The following CDH18 variants were observed in gnomAD, a reference collection of about 807,000 sequenced individuals.
The protein encoded by CDH18 is cadherin 18.
A neutral mutation model predicts 67.9 loss-of-function variants in CDH18; 31 were observed. The observed-to-expected ratio is 0.46, with a 90% CI of 0.34 to 0.62. The LOEUF (loss-of-function observed/expected upper bound fraction) is 0.62, where lower values mean the gene tolerates loss of function less well. Ranked by LOEUF, CDH18 falls within the 20% of genes least tolerant of loss-of-function variation. The pLI, the probability that CDH18 is intolerant of heterozygous loss-of-function variation, is 0.01. For synonymous variants in CDH18, 362 were observed against 347.2 expected (o/e 1.04, Z -0.48); for missense variants, 890 against 975.5 (o/e 0.91, Z 1.17).
chr5:20,256,388 G>A (rs1338262913), intron 1 of CDH18, among the ~76,000 whole-genome samples: 3 of 151,982 alleles, frequency 2.0e-5, no homozygotes, highest in South Asian at 2.1e-4. Context: ...TTTGATATAC[G>A]ATTTCTATTT....
intron 2 of CDH18, among the ~76,000 whole-genome samples, chr5:20,109,161 G>A (rs1418998267): frequency 6.6e-6 from 1 of 152,122 alleles, no homozygotes; most frequent in Admixed American, 6.6e-5. Flanking sequence ...GACAGACAAG[G>A]AAAAATCTAA....
chr5:20,541,589 T>G (rs1411260389), intron 1 of CDH18, among the ~76,000 whole-genome samples: 2 of 152,174 alleles, frequency 1.3e-5, no homozygotes, highest in African/African-American at 4.8e-5. Context: ...ACAGGTGCTG[T>G]AATATGGTTC....
At chr5:19,587,941 T>C (rs1229751518) in intron 7 of CDH18, among the ~76,000 whole-genome samples, 1 of 152,108 alleles carries the variant, frequency 6.6e-6, no homozygotes, top group Non-Finnish European at 1.5e-5. Flanking sequence ...TTTTCGTTTG[T>C]TTCTGTCATC....
At chr5:19,965,146 C>G (rs1281881621) in intron 2 of CDH18, among the ~76,000 whole-genome samples, 1 of 151,942 alleles carries the variant, frequency 6.6e-6, no homozygotes, top group Non-Finnish European at 1.5e-5. Context: ...GTTTTCTATA[C>G]CCGCGTTTTA....
intron 1 of CDH18, among the ~76,000 whole-genome samples, chr5:20,262,588 G>T (rs1386285496): frequency 6.6e-6 from 1 of 152,058 alleles, no homozygotes; most frequent in Non-Finnish European, 1.5e-5. Flanking sequence ...ACTGTCAGGG[G>T]TGTTCGAGGC....
At chr5:19,873,900 G>A (rs1220208744) in intron 2 of CDH18, among the ~76,000 whole-genome samples, 7 of 152,110 alleles carry the variant, frequency 4.6e-5, no homozygotes, top group African/African-American at 9.6e-5. Flanking sequence ...CGCCCACCTC[G>A]GCCTCCCAAA....
At chr5:20,519,056 G>T (rs1755556752) in intron 1 of CDH18, among the ~76,000 whole-genome samples, 1 of 152,176 alleles carries the variant, frequency 6.6e-6, no homozygotes, top group Non-Finnish European at 1.5e-5. Context: ...CAGCCTGGAT[G>T]ATGGAGATGA....
chr5:19,963,212 G>T (rs192031010), intron 2 of CDH18, among the ~76,000 whole-genome samples: 2 of 152,016 alleles, frequency 1.3e-5, no homozygotes, highest in Admixed American at 1.3e-4. Context: ...CATTTATGAA[G>T]GTTTAAAACA....
At chr5:19,724,512 T>TAC (rs34923644) in intron 4 of CDH18, among the ~76,000 whole-genome samples, 3,677 of 148,862 alleles carry the variant, frequency 0.025, 128 homozygotes, top group African/African-American at 0.085. Context: ...CACACAGACA[T>TAC]ACACACACAC....
At chr5:20,413,594 G>A (rs1746992595) in intron 1 of CDH18, among the ~76,000 whole-genome samples, 1 of 152,116 alleles carries the variant, frequency 6.6e-6, no homozygotes, top group Admixed American at 6.5e-5. Flanking sequence ...GTGTCTGTTG[G>A]CTGCATAAAT....
At chr5:19,691,970 C>T (rs1387453826) in intron 5 of CDH18, among the ~76,000 whole-genome samples, 1 of 151,900 alleles carries the variant, frequency 6.6e-6, no homozygotes, top group Non-Finnish European at 1.5e-5. Context: ...TATTACCTGA[C>T]TTCAGAATAT....
intron 2 of CDH18, among the ~76,000 whole-genome samples, chr5:20,167,624 A>G (rs1489512585): frequency 6.6e-6 from 1 of 152,192 alleles, no homozygotes; most frequent in Non-Finnish European, 1.5e-5. Context: ...CAGAGTTGGA[A>G]TCATTAGAAG....
chr5:20,155,606 T>TGA (rs1405764893), intron 2 of CDH18, among the ~76,000 whole-genome samples: 1 of 152,176 alleles, frequency 6.6e-6, no homozygotes, highest in Non-Finnish European at 1.5e-5. Flanking sequence ...TTTTTGTTTT[T>TGA]GTTGTGTTTC....
chr5:20,528,038 C>A (rs1256394541), intron 1 of CDH18, among the ~76,000 whole-genome samples: 1 of 151,832 alleles, frequency 6.6e-6, no homozygotes, highest in Non-Finnish European at 1.5e-5. Flanking sequence ...AAAAACACAC[C>A]TAGGATCAAA....
intron 2 of CDH18, among the ~76,000 whole-genome samples, chr5:19,852,988 C>G (rs1225648658): frequency 1.3e-5 from 2 of 151,924 alleles, no homozygotes; most frequent in Non-Finnish European, 2.9e-5. Flanking sequence ...TACTAAAAAG[C>G]AATGAGTACA....
chr5:19,864,029 T>G (rs1486797928), intron 2 of CDH18, among the ~76,000 whole-genome samples: 1 of 151,328 alleles, frequency 6.6e-6, no homozygotes, highest in East Asian at 1.9e-4. Context: ...CATTACTGGG[T>G]ATATACCCAA....
chr5:19,994,853 T>TAGAGAGAGAGAGAGAGAGAGAGAGAG lies in CDH18; in HGVS notation c.-517-2840_-517-2839insCTCTCTCTCTCTCTCTCTCTCTCTCT, dbSNP rs776078908. ...GAATATATATATATATATATATATA[T>TAGAGAGAGAGAGAGAGAGAGAGAGAG]ATAGAGAGAGAGAGAGAGAGAGAGA... On this transcript the variant is annotated intron_variant, in intron 2 of 14. Coordinates refer to the CDH18 transcript ENST00000507958. Among the ~76,000 whole-genome samples, 3 of 53,212 alleles carry TAGAGAGAGAGAGAGAGAGAGAGAGAG rather than the reference T, an allele frequency of 5.6e-5. 1 individual carries two copies. The highest frequency in any genetic ancestry group is 2.9e-4 in the African/African-American group (3 of 10,450). 34.9% of individuals were successfully genotyped at this position (53,212 alleles called of 152,430 possible). A position where few individuals can be genotyped will look rare whatever the true frequency, so the allele number is the denominator to read the frequency against.
intron 9 of CDH18, among the ~76,000 whole-genome samples, chr5:19,530,519 G>A (rs1298726391): frequency 1.3e-5 from 2 of 151,988 alleles, no homozygotes; most frequent in African/African-American, 4.8e-5. Flanking sequence ...TGCCATGTTG[G>A]TGTGCTGCAC....
At chr5:20,248,577 CAG>C (rs1743564980) in intron 2 of CDH18, among the ~76,000 whole-genome samples, 1 of 152,158 alleles carries the variant, frequency 6.6e-6, no homozygotes, top group Admixed American at 6.6e-5. Flanking sequence ...ATTTAGGAAA[CAG>C]AGTATATACC....
Sources: gnomAD v4.1 joint callset for allele counts (sites outside exome capture counted in the v4.1 genomes callset) on GRCh38, gnomAD v4.1.1 for gene constraint, MANE v1.5 for transcripts, NCBI Gene and HGNC (gene_info 2026-07-23, HGNC 2026-07-21) for gene names.